Variants in PHF24 observed in about 807,000 individuals in gnomAD.
The protein encoded by PHF24 is Galpha inhibitory interacting protein.
PHF24 carries 25 observed loss-of-function variants against 42.6 expected under a neutral mutation model. The ratio of observed to expected loss-of-function variants is 0.59; its 90% confidence interval spans 0.43 to 0.82. The LOEUF (loss-of-function observed/expected upper bound fraction) is 0.82, where lower values mean the gene tolerates loss of function less well. PHF24 is among the 40% of genes least tolerant of loss of function. PHF24 has a pLI of 0.00. For synonymous variants in PHF24, 185 were observed against 204.8 expected, an observed-to-expected ratio of 0.90 and a Z score of 0.83; for missense variants, 470 against 538.1, an observed-to-expected ratio of 0.87 and a Z score of 1.25.
the PHF24 span, among the ~76,000 whole-genome samples, chr9:34,718,147 T>A: frequency 6.6e-6 from 1 of 152,338 alleles, no homozygotes; most frequent in East Asian, 1.9e-4. Context: ...CCTGCCCCTG[T>A]GGCCTTTGTA....
At chr9:34,830,022 G>A in the PHF24 span, among the ~76,000 whole-genome samples, 3 of 152,212 alleles carry the variant, frequency 2.0e-5, no homozygotes, top group African/African-American at 7.2e-5. Flanking sequence ...ATGTGGCTTT[G>A]AGAATCATCA....
chr9:34,938,251 G>A, the PHF24 span, among the ~76,000 whole-genome samples: 8 of 152,230 alleles, frequency 5.3e-5, no homozygotes, highest in African/African-American at 1.9e-4. Flanking sequence ...CCCAGGCAGT[G>A]AGGGGAAGTT....
At chr9:34,688,619 C>T in the PHF24 span, among the ~76,000 whole-genome samples, 1 of 152,180 alleles carries the variant, frequency 6.6e-6, no homozygotes. Flanking sequence ...TGACCTCTGA[C>T]TCCCAGGTCT....
the PHF24 span, among the ~76,000 whole-genome samples, chr9:34,747,862 C>T: frequency 1.3e-5 from 2 of 151,978 alleles, no homozygotes; most frequent in Non-Finnish European, 2.9e-5. Flanking sequence ...TTCAAGGTGG[C>T]ATCATTTATA....
chr9:34,981,924 G>A (rs923020222), exon 8 of PHF24: 1 of 151,910 alleles, frequency 6.6e-6, no homozygotes, highest in Non-Finnish European at 1.5e-5. Context: ...GCTCAGCCCT[G>A]GTGTAGGGTG....
At chr9:34,670,367 T>A in the PHF24 span, among the ~76,000 whole-genome samples, 3 of 152,192 alleles carry the variant, frequency 2.0e-5, no homozygotes, top group African/African-American at 7.2e-5. Flanking sequence ...GGGGACAGTC[T>A]TGTTGGGGAC....
the PHF24 span, among the ~76,000 whole-genome samples, chr9:34,948,001 C>T: frequency 4.0e-5 from 6 of 150,964 alleles, no homozygotes; most frequent in Non-Finnish European, 8.8e-5. Flanking sequence ...CCCAGCTACT[C>T]GGGAGGCTGA....
At chr9:34,693,314 G>T in the PHF24 span, among the ~76,000 whole-genome samples, 1 of 152,136 alleles carries the variant, frequency 6.6e-6, no homozygotes, top group Non-Finnish European at 1.5e-5. Flanking sequence ...TTCTGTTTGG[G>T]GCTGGCCCAT....
At chr9:34,923,259 T>C in the PHF24 span, among the ~76,000 whole-genome samples, 1 of 152,208 alleles carries the variant, frequency 6.6e-6, no homozygotes, top group Non-Finnish European at 1.5e-5. Flanking sequence ...TTTAGTGTGC[T>C]AGTATTTTGT....
At chr9:34,789,928 C>T in the PHF24 span, among the ~76,000 whole-genome samples, 1 of 152,310 alleles carries the variant, frequency 6.6e-6, no homozygotes, top group South Asian at 2.1e-4. Context: ...CTCACTGCAG[C>T]CTCAAACTCC....
chr9:34,874,867 T>A, the PHF24 span, among the ~76,000 whole-genome samples: 1 of 152,166 alleles, frequency 6.6e-6, no homozygotes, highest in East Asian at 1.9e-4. Context: ...GTACTTGAGA[T>A]GTTTTCATAC....
chr9:34,849,346 C>T, the PHF24 span, among the ~76,000 whole-genome samples: 1 of 152,070 alleles, frequency 6.6e-6, no homozygotes, highest in African/African-American at 2.4e-5. Flanking sequence ...ATCCCTTTCC[C>T]ATTATGTAAT....
the PHF24 span, chr9:34,689,807 C>G: frequency 3.7e-6 from 6 of 1,614,134 alleles, no homozygotes; most frequent in Non-Finnish European, 5.1e-6. The surrounding 1 kb of genome is among the most constrained non-coding windows in gnomAD (Gnocchi z 4.1). Context: ...GCTCCCTCTG[C>G]ACGGTCATAG....
chr9:34,925,055 C>A, the PHF24 span, among the ~76,000 whole-genome samples: 3 of 152,114 alleles, frequency 2.0e-5, no homozygotes, highest in Non-Finnish European at 2.9e-5. Context: ...GTAATGAATT[C>A]CTTTCATTTT....
the PHF24 span, among the ~76,000 whole-genome samples, chr9:34,700,075 A>G: frequency 6.6e-6 from 1 of 152,170 alleles, no homozygotes; most frequent in Non-Finnish European, 1.5e-5. Context: ...GGTAGAGAAA[A>G]CAGCAAGGGC....
chr9:34,697,341 G>T, the PHF24 span, among the ~76,000 whole-genome samples: 1 of 151,814 alleles, frequency 6.6e-6, no homozygotes, highest in Non-Finnish European at 1.5e-5. Flanking sequence ...TTTTTTTGAG[G>T]TGGAGTCTTG....
chr9:34,844,726 T>G, the PHF24 span, among the ~76,000 whole-genome samples: 1 of 152,228 alleles, frequency 6.6e-6, no homozygotes, highest in African/African-American at 2.4e-5. Context: ...TTAAATTTGT[T>G]ATTTGTGGCC....
At chr9:34,761,732 C>T in the PHF24 span, among the ~76,000 whole-genome samples, 1 of 151,934 alleles carries the variant, frequency 6.6e-6, no homozygotes, top group Admixed American at 6.6e-5. Context: ...TTTTAGGGTA[C>T]ATGTGCACAA....
the PHF24 span, chr9:34,725,787 G>T: frequency 6.5e-7 from 1 of 1,548,590 alleles, no homozygotes; most frequent in African/African-American, 1.4e-5. Context: ...GCTGACTGGG[G>T]TGAAGTTTTA....
Sources: gnomAD v4.1 joint callset for allele counts (sites outside exome capture counted in the v4.1 genomes callset) on GRCh38, gnomAD v4.1.1 for gene constraint, Gnocchi (gnomAD v3.1) non-coding constraint, MANE v1.5 for transcripts, NCBI Gene and HGNC (gene_info 2026-07-23, HGNC 2026-07-21) for gene names.